CYB5B: variants seen among roughly 807,000 people sequenced by gnomAD.
CYB5B encodes cytochrome b5 type B.
Under a neutral mutation model 21.3 loss-of-function variants are expected in CYB5B, and 14 were observed. That is an observed-to-expected ratio of 0.66 (90% CI 0.43 to 1.03). The LOEUF (loss-of-function observed/expected upper bound fraction) is 1.03, where lower values mean the gene tolerates loss of function less well. CYB5B is among the 50% of genes least tolerant of loss of function. CYB5B has a pLI of 0.00. For missense variants in CYB5B, 166 were observed against 185.1 expected, an observed-to-expected ratio of 0.90 and a Z score of 0.60; for synonymous variants, 69 against 68.4, an observed-to-expected ratio of 1.01 and a Z score of -0.04.
chr16:69,458,032 T>C (rs77838481), intron 3 of CYB5B, among the ~76,000 whole-genome samples: 2,973 of 152,300 alleles, frequency 0.02, 101 homozygotes, highest in African/African-American at 0.068. Context: ...TAAAGGGTTA[T>C]TGTCCTCTGG....
At chr16:69,432,788 C>A (rs1185385365) in intron 1 of CYB5B, among the ~76,000 whole-genome samples, 3 of 151,880 alleles carry the variant, frequency 2.0e-5, no homozygotes, top group Admixed American at 2.0e-4. Flanking sequence ...GCACTGTGAC[C>A]CTATAGCCTG....
intron 1 of CYB5B, among the ~76,000 whole-genome samples, chr16:69,432,105 A>G (rs766364152): frequency 9.9e-5 from 15 of 152,204 alleles, no homozygotes; most frequent in Admixed American, 6.5e-5. Flanking sequence ...AATGAAGGAC[A>G]AGAATGGCCA....
intron 1 of CYB5B, among the ~76,000 whole-genome samples, chr16:69,435,694 G>A (rs1413888242): frequency 2.0e-5 from 3 of 152,090 alleles, no homozygotes; most frequent in African/African-American, 7.2e-5. Context: ...CTGGAGTGCA[G>A]TGGCGCGGTC....
Position 69,465,863 on chromosome 16 carries a change from G to A in CYB5B, c.*3343G>A, listed in dbSNP as rs1452049574. 6.6e-6 allele frequency: 1 copy of A among 152,256 alleles called. No individual in the cohort carries two copies. Among genetic ancestry groups the A allele is most frequent in the Non-Finnish European group, 1.5e-5 (1 of 68,040 alleles). The allele number at this position is 152,256 out of a possible 1,614,324, so 9.4% of individuals were successfully genotyped here. ...CCAAATATCACAGAAGTAATGAGGA[G>A]TTTAGTTACATTTGGCTGTTGTGCT... On this transcript the variant is annotated 3_prime_UTR_variant, in exon 5 of 5. Transcript: ENST00000307892.
At chr16:69,460,975 G>A (rs891669701) in intron 4 of CYB5B, among the ~76,000 whole-genome samples, 10 of 152,150 alleles carry the variant, frequency 6.6e-5, no homozygotes, top group African/African-American at 2.4e-4. Flanking sequence ...TATTAGGAAA[G>A]ATTATGTGAG....
chr16:69,450,884 G>T (rs1038079079), intron 3 of CYB5B, among the ~76,000 whole-genome samples: 4 of 151,624 alleles, frequency 2.6e-5, no homozygotes, highest in East Asian at 3.9e-4. Context: ...CATCCCTACT[G>T]CCCGCCAAGA....
intron 1 of CYB5B, among the ~76,000 whole-genome samples, chr16:69,425,386 T>G (rs1264281953): frequency 6.6e-6 from 1 of 152,116 alleles, no homozygotes; most frequent in Non-Finnish European, 1.5e-5. Context: ...GAGTTGACCT[T>G]GAGGCCAGAA....
chr16:69,435,498 C>G (rs1194370298), intron 1 of CYB5B, among the ~76,000 whole-genome samples: 1 of 152,092 alleles, frequency 6.6e-6, no homozygotes, highest in African/African-American at 2.4e-5. Flanking sequence ...AATGCAGGCT[C>G]TATTTGGTAC....
chr16:69,424,838 T>A lies in CYB5B; in HGVS notation c.155T>A (p.Val52Asp). Reference protein sequence around the residue: ...WLVIHGRVYDVTRFLNEHPGG... With the variant: ...WLVIHGRVYDDTRFLNEHPGG... ...GTGATCCATGGGCGAGTCTACGATG[T>A]CACCCGCTTCCTCAACGAGGTGGGG... The change falls in exon 1 of 5, where the codon GTC (valine) becomes GAC (aspartate). Residue 52 changes from valine (V) to aspartate (D), a missense_variant. Coordinates refer to ENST00000307892, the MANE Select transcript of CYB5B (RefSeq NM_030579.3). 6.3e-7 allele frequency: 1 copy of A among 1,586,128 alleles called. No individual in the cohort carries two copies. Among genetic ancestry groups the A allele is most frequent in the Non-Finnish European group, 8.6e-7 (1 of 1,166,168 alleles).
At chr16:69,429,198 G>T (rs889519410) in intron 1 of CYB5B, among the ~76,000 whole-genome samples, 3 of 152,164 alleles carry the variant, frequency 2.0e-5, no homozygotes, top group South Asian at 4.1e-4. Context: ...GAGTGTTATA[G>T]CTCTTAAAGG....
chr16:69,445,949 T>TC (rs1164688373), intron 1 of CYB5B, among the ~76,000 whole-genome samples: 2 of 151,732 alleles, frequency 1.3e-5, no homozygotes, highest in East Asian at 3.9e-4. Flanking sequence ...AGAGCGAAAC[T>TC]CCATCTCAAA....
chr16:69,439,802 A>G (rs2014800988), intron 1 of CYB5B, among the ~76,000 whole-genome samples: 1 of 151,242 alleles, frequency 6.6e-6, no homozygotes, highest in Admixed American at 6.6e-5. Context: ...CCCAACCTCA[A>G]GTGATCCACC....
intron 1 of CYB5B, among the ~76,000 whole-genome samples, chr16:69,434,371 TG>T (rs998161738): frequency 4.6e-5 from 7 of 152,228 alleles, no homozygotes; most frequent in Non-Finnish European, 8.8e-5. Flanking sequence ...TTATTCCTCC[TG>T]GGCAAATACC....
chr16:69,440,071 T>C (rs950059685), intron 1 of CYB5B, among the ~76,000 whole-genome samples: 1 of 151,500 alleles, frequency 6.6e-6, no homozygotes, highest in Non-Finnish European at 1.5e-5. Flanking sequence ...ATCGGGGTCT[T>C]GCTGTGTTGC....
rs1279366196 is a variant in CYB5B, at chr16:69,462,519, G to A, written c.452G>A (p.Ter151=). 2 of 1,613,198 alleles carry A rather than the reference G, an allele frequency of 1.2e-6. No homozygotes were observed. The highest frequency in any genetic ancestry group is 3.3e-5 in the Admixed American group (2 of 60,020). ...RYYTSESKSS[*] ...TACACATCGGAAAGCAAATCCTCCT[G>A]AGGAGGCCTTGCTGAAGTTAGAAAG... Residue 151 remains the stop codon, a stop_retained_variant, in exon 5 of 5, where the codon TGA becomes TAA. Coordinates refer to ENST00000307892, the MANE Select transcript of CYB5B (RefSeq NM_030579.3).
intron 1 of CYB5B, among the ~76,000 whole-genome samples, chr16:69,429,539 A>G (rs961797546): frequency 6.6e-6 from 1 of 152,194 alleles, no homozygotes; most frequent in Non-Finnish European, 1.5e-5. Flanking sequence ...CACTCCACCC[A>G]GGAAGTCCAG....
At chr16:69,426,699 C>CA (rs11434223) in intron 1 of CYB5B, among the ~76,000 whole-genome samples, 65,910 of 95,496 alleles carry the variant, frequency 0.69, 23,199 homozygotes, top group African/African-American at 0.79. Context: ...AGCGAGACTC[C>CA]AAAAAAAAAA....
intron 4 of CYB5B, among the ~76,000 whole-genome samples, chr16:69,460,385 C>T (rs1362212675): frequency 6.6e-6 from 1 of 152,092 alleles, no homozygotes; most frequent in Admixed American, 6.5e-5. Flanking sequence ...AAGATTTAAG[C>T]ACTTTACAGA....
At chr16:69,430,792 GC>G (rs1052491538) in intron 1 of CYB5B, among the ~76,000 whole-genome samples, 3 of 150,852 alleles carry the variant, frequency 2.0e-5, no homozygotes, top group Non-Finnish European at 4.4e-5. Flanking sequence ...TCCTGCTTCA[GC>G]CTCCTGAGTA....
Sources: allele counts gnomAD v4.1 joint callset (sites outside exome capture counted in the v4.1 genomes callset), GRCh38; gene constraint gnomAD v4.1.1; transcripts MANE v1.5; gene names NCBI Gene and HGNC (gene_info 2026-07-23, HGNC 2026-07-21).